Variants in GABRB3 observed in about 807,000 individuals in gnomAD.
The protein encoded by GABRB3 is gamma-aminobutyric acid receptor subunit beta-3.
A neutral mutation model predicts 52.1 loss-of-function variants in GABRB3; 14 were observed. That is an observed-to-expected ratio of 0.27 (90% CI 0.18 to 0.42). The LOEUF (loss-of-function observed/expected upper bound fraction) is 0.42, where lower values mean the gene tolerates loss of function less well. GABRB3 is among the 10% of genes least tolerant of loss of function. The pLI, the probability that GABRB3 is intolerant of heterozygous loss-of-function variation, is 1.00. For synonymous variants in GABRB3, 260 were observed against 232.3 expected, an observed-to-expected ratio of 1.12 and a Z score of -1.08; for missense variants, 307 against 609.1, an observed-to-expected ratio of 0.50 and a Z score of 5.22.
intron 3 of GABRB3, among the ~76,000 whole-genome samples, chr15:26,714,056 A>G (rs774632111): frequency 2.6e-5 from 4 of 152,214 alleles, no homozygotes; most frequent in Admixed American, 6.5e-5. Context: ...GAACAATAAT[A>G]AGGAGAATAT....
At chr15:26,616,444 G>A (rs953298630) in intron 4 of GABRB3, among the ~76,000 whole-genome samples, 8 of 152,120 alleles carry the variant, frequency 5.3e-5, no homozygotes, top group Admixed American at 2.0e-4. Flanking sequence ...AGCAGATGAT[G>A]TAAGTTTAGC....
chr15:26,651,048 T>A (rs145434714), intron 3 of GABRB3, among the ~76,000 whole-genome samples: 1 of 152,130 alleles, frequency 6.6e-6, no homozygotes, highest in African/African-American at 2.4e-5. Context: ...ACCCACTGAG[T>A]ATGGGTACCC....
At chr15:26,729,413 T>C (rs1427196584) in intron 3 of GABRB3, among the ~76,000 whole-genome samples, 1 of 152,030 alleles carries the variant, frequency 6.6e-6, no homozygotes, top group African/African-American at 2.4e-5. Context: ...TCTGGTGCCT[T>C]TACTGATCCA....
intron 3 of GABRB3, among the ~76,000 whole-genome samples, chr15:26,679,871 G>C (rs1451689234): frequency 6.6e-6 from 1 of 152,178 alleles, no homozygotes; most frequent in Non-Finnish European, 1.5e-5. Flanking sequence ...GAGAGACTGA[G>C]CCCTGATCTG....
intron 4 of GABRB3, among the ~76,000 whole-genome samples, chr15:26,594,183 C>T (rs1227535149): frequency 1.3e-5 from 2 of 151,378 alleles, no homozygotes; most frequent in African/African-American, 4.8e-5. Context: ...TATTTAAAGT[C>T]TTTATCAAGT....
chr15:26,612,962 A>ACAC (rs1566774338), intron 4 of GABRB3: 1 of 151,864 alleles, frequency 6.6e-6, no homozygotes, highest in African/African-American at 2.4e-5. Flanking sequence ...CACACACACA[A>ACAC]AAAAAATAGC....
intron 3 of GABRB3, chr15:26,624,348 T>A: frequency 1.0e-6 from 1 of 985,510 alleles, no homozygotes; most frequent in Non-Finnish European, 1.2e-6. Context: ...GAAATAGAAG[T>A]TTCACTTGTT....
At chr15:26,730,809 C>G (rs908726780) in intron 3 of GABRB3, among the ~76,000 whole-genome samples, 6 of 152,158 alleles carry the variant, frequency 3.9e-5, no homozygotes, top group Admixed American at 3.9e-4. Context: ...TTGCTCAATC[C>G]AAATACACTT....
intron 3 of GABRB3, among the ~76,000 whole-genome samples, chr15:26,761,030 C>A (rs775403443): frequency 7.2e-5 from 11 of 152,092 alleles, no homozygotes; most frequent in African/African-American, 2.2e-4. Context: ...ACAGAACAGT[C>A]CAGAAAATAC....
At chr15:26,748,863 T>A (rs1486338680) in intron 3 of GABRB3, among the ~76,000 whole-genome samples, 1 of 151,962 alleles carries the variant, frequency 6.6e-6, no homozygotes, top group Non-Finnish European at 1.5e-5. Flanking sequence ...CGGTCTCTGC[T>A]AAAAATACAA....
At chr15:26,600,635 T>C (rs1400271189) in intron 4 of GABRB3, among the ~76,000 whole-genome samples, 3 of 152,154 alleles carry the variant, frequency 2.0e-5, no homozygotes, top group African/African-American at 7.2e-5. Context: ...AGTTAAGCTG[T>C]CATTTAGAAA....
chr15:26,547,853 G>T lies in GABRB3; in HGVS notation c.1362C>A (p.Ile454=). The change falls in exon 9 of 9, where the codon ATC becomes ATA. Residue 454 remains isoleucine (I), a synonymous_variant. Transcript: ENST00000311550. The part of the protein sequence containing the change: ...DVNAIDRWSR[I]VFPFTFSLFN... ...AAAGAGAAAAAGTGAATGGAAACAC[G>T]ATCCTGGACCATCTGTCTATGGCAT... 1 of 1,614,090 alleles carries T rather than the reference G, an allele frequency of 6.2e-7. No individual in the cohort carries two copies. The highest frequency in any genetic ancestry group is 8.5e-7 in the Non-Finnish European group (1 of 1,180,018).
intron 3 of GABRB3, among the ~76,000 whole-genome samples, chr15:26,736,053 G>A (rs1890057579): frequency 6.6e-6 from 1 of 151,994 alleles, no homozygotes; most frequent in Non-Finnish European, 1.5e-5. Context: ...CAGAAAGTAA[G>A]GTGATGGCTG....
rs1164433607 is a variant in GABRB3 at position 26,547,511 on chromosome 15, T to C, written c.*282A>G. 1.9e-6 allele frequency: 1 copy of C among 519,244 alleles called. No individual in the cohort carries two copies. The highest frequency in any genetic ancestry group is 3.0e-5 in the East Asian group (1 of 33,578). The allele number at this position is 519,244 out of a possible 1,614,324, so 32.2% of individuals were successfully genotyped here. On this transcript the variant is annotated 3_prime_UTR_variant, in exon 9 of 9. Coordinates refer to ENST00000311550, the MANE Select transcript of GABRB3 (RefSeq NM_000814.6). Reference sequence around the variant, plus strand: ...ATGACTTTCTTTAATATGCATCCTGTGGTAAATTGTCCATAGCTGCAAAAT... The same window carrying C: ...ATGACTTTCTTTAATATGCATCCTGCGGTAAATTGTCCATAGCTGCAAAAT...
intron 3 of GABRB3, among the ~76,000 whole-genome samples, chr15:26,683,019 G>C (rs1044346876): frequency 6.6e-6 from 1 of 152,120 alleles, no homozygotes; most frequent in Non-Finnish European, 1.5e-5. Context: ...CGGCTCACTG[G>C]GTTCTAGGAA....
At chr15:26,761,829 C>CTTATTTAT (rs565059435) in intron 3 of GABRB3, among the ~76,000 whole-genome samples, 35 of 151,936 alleles carry the variant, frequency 2.3e-4, no homozygotes, top group Non-Finnish European at 2.5e-4. Flanking sequence ...CTCTATCCCT[C>CTTATTTAT]TTATTTATTT....
intron 7 of GABRB3, among the ~76,000 whole-genome samples, chr15:26,565,210 G>C (rs1200303323): frequency 6.6e-6 from 1 of 150,954 alleles, no homozygotes; most frequent in Non-Finnish European, 1.5e-5. Context: ...CAGTGCTCCT[G>C]ACACTGCGTC....
chr15:26,652,166 C>T (rs1453071526), intron 3 of GABRB3, among the ~76,000 whole-genome samples: 4 of 152,202 alleles, frequency 2.6e-5, no homozygotes, highest in African/African-American at 9.6e-5. Flanking sequence ...AATAGCTTAA[C>T]TCTCAACAAA....
At chr15:26,667,318 C>T (rs1331344006) in intron 3 of GABRB3, among the ~76,000 whole-genome samples, 1 of 152,144 alleles carries the variant, frequency 6.6e-6, no homozygotes, top group African/African-American at 2.4e-5. Context: ...GTGGAGTTTT[C>T]TTATTTCTAG....
Sources: allele counts gnomAD v4.1 joint callset (sites outside exome capture counted in the v4.1 genomes callset), GRCh38; gene constraint gnomAD v4.1.1; transcripts MANE v1.5; gene names NCBI Gene and HGNC (gene_info 2026-07-23, HGNC 2026-07-21).